Variants in MRPS35 observed in about 807,000 individuals in gnomAD.
The protein encoded by MRPS35 is small ribosomal subunit protein mS35.
Under a neutral mutation model 32.7 loss-of-function variants are expected in MRPS35, and 29 were observed. The observed-to-expected ratio is 0.89, with a 90% CI of 0.66 to 1.21. The LOEUF (loss-of-function observed/expected upper bound fraction) is 1.21. Among genes scored for constraint, MRPS35 ranks in the 50% most tolerant of loss-of-function variants. MRPS35 has a pLI of 0.00. For missense variants in MRPS35, 373 were observed against 383.8 expected (o/e 0.97, Z 0.23); for synonymous variants, 148 against 139.3 (o/e 1.06, Z -0.44).
At chr12:27,753,218 G>A (rs1245807561) in intron 7 of MRPS35, among the ~76,000 whole-genome samples, 1 of 152,098 alleles carries the variant, frequency 6.6e-6, no homozygotes, top group Non-Finnish European at 1.5e-5. Flanking sequence ...CAGGAATTTG[G>A]GGGCCAGGGA....
At chr12:27,725,716 T>C in intron 5 of MRPS35, 1 of 155,472 alleles carries the variant, frequency 6.4e-6, no homozygotes, top group East Asian at 1.9e-4. Context: ...TGAATACTAG[T>C]GAGGTTGAGG....
intron 2 of MRPS35, 52 bp downstream of exon 2, chr12:27,714,872 G>A: frequency 1.3e-6 from 2 of 1,490,756 alleles, no homozygotes; most frequent in Non-Finnish European, 1.9e-6. Flanking sequence ...GTTCTAAAAT[G>A]AGGCAGATAT....
intron 4 of MRPS35, among the ~76,000 whole-genome samples, chr12:27,720,751 T>C (rs1024105916): frequency 3.3e-5 from 5 of 151,892 alleles, no homozygotes; most frequent in African/African-American, 1.2e-4. Context: ...TCTGGATTTA[T>C]TGATTTTGAA....
chr12:27,743,282 C>T (rs549980171), intron 7 of MRPS35, among the ~76,000 whole-genome samples: 55 of 152,002 alleles, frequency 3.6e-4, no homozygotes, highest in Middle Eastern at 3.4e-3. Context: ...AATCCTAGCA[C>T]TTTGGGAGGC....
chr12:27,731,163 C>T (rs2061920782), intron 5 of MRPS35, among the ~76,000 whole-genome samples: 1 of 152,120 alleles, frequency 6.6e-6, no homozygotes. Flanking sequence ...TTGCCATGCC[C>T]CTGTCATTTG....
At chr12:27,752,129 C>T (rs1343547676) in intron 7 of MRPS35, among the ~76,000 whole-genome samples, 2 of 151,634 alleles carry the variant, frequency 1.3e-5, no homozygotes, top group East Asian at 3.9e-4. Flanking sequence ...GCACCTTAGT[C>T]ATAGTCCAGC....
chr12:27,724,226 A>G, intron 5 of MRPS35, 40 bp downstream of exon 5: 2 of 1,456,694 alleles, frequency 1.4e-6, no homozygotes, highest in Non-Finnish European at 1.8e-6. Flanking sequence ...AATAAGAATC[A>G]TTCTAATACA....
intron 7 of MRPS35, among the ~76,000 whole-genome samples, chr12:27,746,645 G>T (rs1340734300): frequency 1.3e-5 from 2 of 152,180 alleles, no homozygotes; most frequent in African/African-American, 4.8e-5. Flanking sequence ...CTACACAGAA[G>T]GTGACAAGCT....
chr12:27,711,815 A>G (rs1287460024), intron 1 of MRPS35, among the ~76,000 whole-genome samples: 1 of 110,052 alleles, frequency 9.1e-6, no homozygotes, highest in African/African-American at 3.2e-5. Flanking sequence ...TTGTTTTCAG[A>G]TAAACTATAA....
chr12:27,711,982 TAAACAACC>T (rs2061827634), intron 1 of MRPS35, among the ~76,000 whole-genome samples: 1 of 151,500 alleles, frequency 6.6e-6, no homozygotes. Context: ...GTCAATAGTA[TAAACAACC>T]AAACAACTAA....
chr12:27,724,217 A>G, intron 5 of MRPS35, 31 bp downstream of exon 5: 2 of 1,508,042 alleles, frequency 1.3e-6, no homozygotes, highest in Non-Finnish European at 1.8e-6. Context: ...TTTTTTTTAA[A>G]TAAGAATCAT....
chr12:27,720,110 G>C (rs569942999), intron 4 of MRPS35, among the ~76,000 whole-genome samples: 1 of 152,072 alleles, frequency 6.6e-6, no homozygotes, highest in Non-Finnish European at 1.5e-5. Context: ...ATGCACATAA[G>C]GCTGAGTGTG....
At chr12:27,740,237 A>G (rs1439296992) in intron 7 of MRPS35, among the ~76,000 whole-genome samples, 4 of 149,392 alleles carry the variant, frequency 2.7e-5, no homozygotes, top group African/African-American at 9.8e-5. Context: ...GCTTCTGAGC[A>G]TTTAATACCC....
intron 7 of MRPS35, among the ~76,000 whole-genome samples, chr12:27,748,670 T>C (rs2061989517): frequency 6.6e-6 from 1 of 152,074 alleles, no homozygotes; most frequent in Non-Finnish European, 1.5e-5. Context: ...TACACTTCAA[T>C]AAAATAAATT....
chr12:27,739,186 C>T (rs184148476), intron 7 of MRPS35, among the ~76,000 whole-genome samples: 88 of 152,342 alleles, frequency 5.8e-4, no homozygotes, highest in African/African-American at 1.9e-3. Context: ...TTGTGAGCCA[C>T]CATGTCCAGC....
chr12:27,744,507 ATACT>A (rs2061975449), intron 7 of MRPS35, among the ~76,000 whole-genome samples: 1 of 152,186 alleles, frequency 6.6e-6, no homozygotes, highest in Non-Finnish European at 1.5e-5. Context: ...TTCTCCACAA[ATACT>A]TGCTTCTGTG....
rs375088633 is a variant in MRPS35, at chr12:27,728,148, T to A, written c.522+3962T>A. Reference sequence around the variant, plus strand: ...TCCAGCTTCATTCTTTTGCATTCCGTTTGCATGTTGATCCAATACCATTTT... The same window carrying A: ...TCCAGCTTCATTCTTTTGCATTCCGATTGCATGTTGATCCAATACCATTTT... On this transcript the variant is annotated intron_variant, in intron 5 of 7. Transcript: ENST00000081029. Among the ~76,000 whole-genome samples the A allele has an allele frequency of 9.5e-4, 145 of 152,212 alleles. 5 individuals are homozygous for A. In the South Asian group the frequency reaches 0.027, roughly 28 times the overall value.
chr12:27,721,714 T>G (rs1466774921), intron 4 of MRPS35, among the ~76,000 whole-genome samples: 1 of 152,224 alleles, frequency 6.6e-6, no homozygotes, highest in Non-Finnish European at 1.5e-5. Context: ...CCACAAATCA[T>G]GTATTAGTAT....
chr12:27,741,904 G>C (rs548268913), intron 7 of MRPS35, among the ~76,000 whole-genome samples: 10 of 152,224 alleles, frequency 6.6e-5, no homozygotes, highest in Admixed American at 5.2e-4. Context: ...TGGATTTCAT[G>C]ATAGTTTTAT....
Sources: gnomAD v4.1 joint callset for allele counts (sites outside exome capture counted in the v4.1 genomes callset) on GRCh38, gnomAD v4.1.1 for gene constraint, MANE v1.5 for transcripts, NCBI Gene and HGNC (gene_info 2026-07-23, HGNC 2026-07-21) for gene names.